Variants in LNP1 observed in about 807,000 individuals in gnomAD.
The protein encoded by LNP1 is leukemia NUP98 fusion partner 1.
Under a neutral mutation model 14.5 loss-of-function variants are expected in LNP1, and 12 were observed. The observed-to-expected ratio is 0.83, with a 90% CI of 0.53 to 1.34. The LOEUF is 1.34. Among genes scored for constraint, LNP1 ranks in the 40% most tolerant of loss-of-function variants. LNP1 has a pLI of 0.00. For synonymous variants in LNP1, 75 were observed against 71.4 expected, an observed-to-expected ratio of 1.05 and a Z score of -0.26; for missense variants, 198 against 210.9, an observed-to-expected ratio of 0.94 and a Z score of 0.38.
chr3:100,421,020 C>A (rs1707139374), intron 1 of LNP1, among the ~76,000 whole-genome samples: 1 of 151,644 alleles, frequency 6.6e-6, no homozygotes, highest in Admixed American at 6.6e-5. Flanking sequence ...GCTCTGTTTC[C>A]CAGGCTGGAG....
intron 1 of LNP1, among the ~76,000 whole-genome samples, chr3:100,422,579 C>T (rs1360816172): frequency 6.6e-6 from 1 of 152,114 alleles, no homozygotes; most frequent in African/African-American, 2.4e-5. Context: ...ACAGAGATTT[C>T]ATCTTTGGCA....
rs559568251 is a variant in LNP1, at chr3:100,455,592, A to G, written c.388-185A>G. Among the ~76,000 whole-genome samples the G allele has an allele frequency of 1.6e-4, 24 of 152,246 alleles. No homozygotes were observed. The South Asian group carries it at 3.1e-3, about 20-fold the overall frequency. ...CATCTGCTGATGTCCAACCCCCTCT[A>G]TTCTTTTCTTTGTGACCGAAACCTT... On this transcript the variant is annotated intron_variant, in intron 3 of 3. Transcript: ENST00000383693.
rs1313114554 is a variant in LNP1 at position 100,409,604 on chromosome 3, ATAT to A, written c.-34+7167_-34+7169del. On this transcript the variant is annotated intron_variant, in intron 1 of 3. Transcript: ENST00000383693. ...CACACACACACACATATATATATAT[ATAT>A]TTTTTTTTTTTTTGAGTCTCACTCT... 9.6e-3 allele frequency among the ~76,000 whole-genome samples: 843 copies of A among 87,622 alleles called. 10 individuals carry two copies. Among genetic ancestry groups the A allele is most frequent in the African/African-American group, 0.049 (787 of 16,152 alleles). The allele number at this position is 87,622 out of a possible 152,430, so 57.5% of individuals were successfully genotyped here.
chr3:100,446,605 C>G (rs1205140159), intron 2 of LNP1, among the ~76,000 whole-genome samples: 2 of 152,148 alleles, frequency 1.3e-5, no homozygotes, highest in African/African-American at 4.8e-5. Context: ...CAAATGGGAT[C>G]TAATTAAACT....
At chr3:100,421,148 A>T (rs141316791) in intron 1 of LNP1, among the ~76,000 whole-genome samples, 1,527 of 152,032 alleles carry the variant, frequency 0.01, 26 homozygotes, top group African/African-American at 0.036. Flanking sequence ...CGGGCTGAAG[A>T]CTCATTTTTT....
intron 2 of LNP1, among the ~76,000 whole-genome samples, chr3:100,440,533 AT>A (rs890911408): frequency 1.3e-5 from 2 of 151,800 alleles, no homozygotes; most frequent in East Asian, 1.9e-4. Context: ...ATTAAAACAC[AT>A]TTTTTTTGCT....
chr3:100,407,819 A>T (rs1034258625), intron 1 of LNP1, among the ~76,000 whole-genome samples: 1 of 151,822 alleles, frequency 6.6e-6, no homozygotes, highest in Non-Finnish European at 1.5e-5. Flanking sequence ...GTATATTTTC[A>T]TATAACCTGT....
rs541399644 is a variant in LNP1, at chr3:100,451,936, G to T, written c.374G>T (p.Arg125Leu). 2 of 1,610,962 alleles carry T rather than the reference G, an allele frequency of 1.2e-6. No homozygotes were observed. The highest frequency in any genetic ancestry group is 4.5e-5 in the East Asian group (2 of 44,868). Residue 125 changes from arginine to leucine, a missense_variant, in exon 3 of 4, where the codon CGT becomes CTT. Coordinates refer to ENST00000383693, the MANE Select transcript of LNP1 (RefSeq NM_001085451.2). ...FERQLCFRTK[R>L]SASLGPESRK... ...CGGCAACTGTGCTTTAGAACCAAGC[G>T]TTCTGCCTCTTTGGTATGTAACAGA...
chr3:100,418,223 C>T (rs1707106772), intron 1 of LNP1, among the ~76,000 whole-genome samples: 1 of 150,666 alleles, frequency 6.6e-6, no homozygotes, highest in Non-Finnish European at 1.5e-5. Context: ...CCACACCCGG[C>T]TAATTTTTTT....
chr3:100,409,833 G>A (rs989485361), intron 1 of LNP1, among the ~76,000 whole-genome samples: 2 of 151,358 alleles, frequency 1.3e-5, no homozygotes, highest in Admixed American at 6.6e-5. Flanking sequence ...GACCTCAGGC[G>A]ATCTACCCAC....
intron 1 of LNP1, among the ~76,000 whole-genome samples, chr3:100,420,431 C>A (rs1293282731): frequency 6.6e-6 from 1 of 152,192 alleles, no homozygotes; most frequent in Non-Finnish European, 1.5e-5. Flanking sequence ...CCCACCTCAG[C>A]CTCCTGAGTA....
Position 100,429,709 on chromosome 3 carries a change from A to G in LNP1, c.-21A>G. On this transcript the variant is annotated 5_prime_UTR_variant, in exon 2 of 4. Transcript: ENST00000383693. ...CTGTCGCATTTAGGGACAGGCCTTCAGTATTTGGCATCACCTTTACATGGA... is the reference window on the plus strand; with the variant it reads ...CTGTCGCATTTAGGGACAGGCCTTCGGTATTTGGCATCACCTTTACATGGA... 2 of 1,609,462 alleles carry G rather than the reference A, an allele frequency of 1.2e-6. No homozygotes were observed. The highest frequency in any genetic ancestry group is 1.7e-6 in the Non-Finnish European group (2 of 1,177,246).
At chr3:100,412,986 G>A (rs1707044461) in intron 1 of LNP1, among the ~76,000 whole-genome samples, 1 of 152,196 alleles carries the variant, frequency 6.6e-6, no homozygotes, top group Non-Finnish European at 1.5e-5. Context: ...AACTGATATT[G>A]TTGTCAATAT....
At chr3:100,449,094 T>C (rs890043773) in intron 2 of LNP1, among the ~76,000 whole-genome samples, 5 of 152,182 alleles carry the variant, frequency 3.3e-5, no homozygotes, top group African/African-American at 1.2e-4. Context: ...TATTATAGGA[T>C]TGTATAAGGA....
chr3:100,447,050 A>C (rs1337890607), intron 2 of LNP1, among the ~76,000 whole-genome samples: 1 of 152,208 alleles, frequency 6.6e-6, no homozygotes, highest in African/African-American at 2.4e-5. Flanking sequence ...GCAATTCCTC[A>C]AGGATCTAGA....
At chr3:100,439,558 T>C (rs56132438) in intron 2 of LNP1, among the ~76,000 whole-genome samples, 12,864 of 152,144 alleles carry the variant, frequency 0.085, 1,507 homozygotes, top group East Asian at 0.31. Flanking sequence ...CAGCTTGTCG[T>C]TCAGTCAGCA....
intron 2 of LNP1, among the ~76,000 whole-genome samples, chr3:100,435,019 G>C (rs1259462035): frequency 6.6e-6 from 1 of 152,102 alleles, no homozygotes; most frequent in East Asian, 1.9e-4. Flanking sequence ...TCTTAGGGGA[G>C]TTCTCACAAA....
At chr3:100,429,293 A>G (rs1236501900) in intron 1 of LNP1, among the ~76,000 whole-genome samples, 1 of 152,192 alleles carries the variant, frequency 6.6e-6, no homozygotes, top group Non-Finnish European at 1.5e-5. Context: ...GCCCCATTTC[A>G]GAGCTTGCCT....
At chr3:100,446,984 C>CT (rs1391580650) in intron 2 of LNP1, among the ~76,000 whole-genome samples, 2 of 151,330 alleles carry the variant, frequency 1.3e-5, no homozygotes, top group Non-Finnish European at 2.9e-5. Context: ...GATAGGAATG[C>CT]TTTTACACTG....
Sources: allele counts gnomAD v4.1 joint callset (sites outside exome capture counted in the v4.1 genomes callset), GRCh38; gene constraint gnomAD v4.1.1; transcripts MANE v1.5; gene names NCBI Gene and HGNC (gene_info 2026-07-23, HGNC 2026-07-21).